B3GALT1: variants seen among roughly 807,000 people sequenced by gnomAD.
B3GALT1 encodes UDP-Gal:betaGlcNAc beta 1,3-galactosyltransferase, polypeptide 1.
Under a neutral mutation model 23.2 loss-of-function variants are expected in B3GALT1, and 10 were observed. That is an observed-to-expected ratio of 0.43 (90% CI 0.27 to 0.73). The LOEUF (loss-of-function observed/expected upper bound fraction) is 0.73, where lower values mean the gene tolerates loss of function less well. Ranked by LOEUF, B3GALT1 falls within the 30% of genes least tolerant of loss-of-function variation. The pLI, the probability that B3GALT1 is intolerant of heterozygous loss-of-function variation, is 0.21. For synonymous variants in B3GALT1, 156 were observed against 141.5 expected, an observed-to-expected ratio of 1.10 and a Z score of -0.73; for missense variants, 299 against 405.4, an observed-to-expected ratio of 0.74 and a Z score of 2.25.
rs200624630 is a variant in B3GALT1, at chr2:167,385,510, G to GT, written c.-511+92177dup. Among the ~76,000 whole-genome samples, 176 of 151,730 alleles carry GT rather than the reference G, an allele frequency of 1.2e-3. 1 individual carries two copies. The East Asian group carries it at 0.018, about 16-fold the overall frequency. ...TGCTCAGTAAATATTTGAATTTATT[G>GT]TATGTACAATTTCTCCTAGCCTGAA... On this transcript the variant is annotated intron_variant, in intron 1 of 4. Transcript: ENST00000392690.
chr2:167,373,422 G>A (rs1382318), intron 1 of B3GALT1, among the ~76,000 whole-genome samples: 125,956 of 151,950 alleles, frequency 0.83, 53,322 homozygotes, highest in East Asian at 0.94. Flanking sequence ...ATGTTGAAAA[G>A]TAAGCCACAA....
intron 3 of B3GALT1, among the ~76,000 whole-genome samples, chr2:167,679,142 G>T (rs1379698933): frequency 2.7e-5 from 4 of 147,916 alleles, no homozygotes; most frequent in Non-Finnish European, 4.5e-5. Flanking sequence ...TTGAGACAGA[G>T]TTTCACTCTT....
At chr2:167,758,551 G>C (rs73019369) in intron 3 of B3GALT1, among the ~76,000 whole-genome samples, 7,032 of 152,086 alleles carry the variant, frequency 0.046, 607 homozygotes, top group African/African-American at 0.16. Flanking sequence ...CAGTGACTCC[G>C]GCCTCCTCTT....
At chr2:167,308,044 A>G (rs1696576829) in intron 1 of B3GALT1, among the ~76,000 whole-genome samples, 1 of 152,090 alleles carries the variant, frequency 6.6e-6, no homozygotes. Flanking sequence ...GGAGAGTAAT[A>G]TTAGTAACAC....
rs183276033 is a variant in B3GALT1, at chr2:167,633,992, G to A, written c.-409-12917G>A. Among the ~76,000 whole-genome samples the A allele has an allele frequency of 1.4e-4, 21 of 151,882 alleles. No individual in the cohort carries two copies. In the East Asian group the frequency reaches 3.1e-3, roughly 22 times the overall value. On this transcript the variant is annotated intron_variant, in intron 2 of 4. Coordinates refer to ENST00000392690, the MANE Select transcript of B3GALT1 (RefSeq NM_020981.4). ...CAAAAGAATGGAAATCATAACAAAC[G>A]GTTTCTCAGACCACAGTGCAATCAA...
chr2:167,386,118 C>G (rs931999034), intron 1 of B3GALT1, among the ~76,000 whole-genome samples: 1 of 152,084 alleles, frequency 6.6e-6, no homozygotes, highest in Admixed American at 6.5e-5. Flanking sequence ...CTGACATAGA[C>G]GAGACTTGAG....
intron 3 of B3GALT1, among the ~76,000 whole-genome samples, chr2:167,653,979 A>T (rs1685909494): frequency 6.6e-6 from 1 of 152,180 alleles, no homozygotes; most frequent in South Asian, 2.1e-4. Context: ...AGTCTTGGAT[A>T]TGGCTCCAGT....
At chr2:167,302,014 A>G (rs1391232310) in intron 1 of B3GALT1, among the ~76,000 whole-genome samples, 1 of 152,218 alleles carries the variant, frequency 6.6e-6, no homozygotes, top group African/African-American at 2.4e-5. Context: ...ATTCCATGGA[A>G]TTAATCAGAG....
chr2:167,523,377 C>A (rs1281217170), intron 2 of B3GALT1, among the ~76,000 whole-genome samples: 2 of 151,854 alleles, frequency 1.3e-5, no homozygotes, highest in African/African-American at 4.8e-5. Context: ...TCCCATCACC[C>A]ATTTCCCCTC....
At chr2:167,608,653 G>A (rs1431141630) in intron 2 of B3GALT1, among the ~76,000 whole-genome samples, 1 of 152,074 alleles carries the variant, frequency 6.6e-6, no homozygotes, top group African/African-American at 2.4e-5. Context: ...TCCAATATTT[G>A]TTAAGGTACA....
intron 3 of B3GALT1, among the ~76,000 whole-genome samples, chr2:167,667,311 G>C: frequency 1.3e-5 from 2 of 152,200 alleles, no homozygotes; most frequent in Non-Finnish European, 2.9e-5. Context: ...AGTTTCTGCT[G>C]AGAGATCAGC....
At chr2:167,659,550 A>C (rs1180645519) in intron 3 of B3GALT1, among the ~76,000 whole-genome samples, 1 of 152,092 alleles carries the variant, frequency 6.6e-6, no homozygotes, top group African/African-American at 2.4e-5. Context: ...GGAGGCAAAA[A>C]TGTAATACCA....
intron 3 of B3GALT1, among the ~76,000 whole-genome samples, chr2:167,736,477 G>A (rs1687494048): frequency 6.6e-6 from 1 of 152,150 alleles, no homozygotes; most frequent in South Asian, 2.1e-4. Context: ...GTCTTAAAAT[G>A]GCAAGCTCAG....
chr2:167,682,603 C>G (rs1686550917), intron 3 of B3GALT1, among the ~76,000 whole-genome samples: 2 of 152,180 alleles, frequency 1.3e-5, no homozygotes, highest in Admixed American at 1.3e-4. Flanking sequence ...ATTCTCAAAG[C>G]CAAGCCGTCC....
At chr2:167,855,744 G>A (rs971450075) in intron 4 of B3GALT1, among the ~76,000 whole-genome samples, 3 of 151,926 alleles carry the variant, frequency 2.0e-5, no homozygotes, top group Admixed American at 1.3e-4. Flanking sequence ...TTCCTTTCAC[G>A]ACTGACCTGT....
chr2:167,765,092 A>G (rs757795592), intron 3 of B3GALT1, among the ~76,000 whole-genome samples: 4 of 152,132 alleles, frequency 2.6e-5, no homozygotes, highest in African/African-American at 4.8e-5. Flanking sequence ...TAAGGTCACT[A>G]TTTTTGGCTT....
chr2:167,659,129 A>T (rs1243895066), intron 3 of B3GALT1, among the ~76,000 whole-genome samples: 2 of 152,136 alleles, frequency 1.3e-5, no homozygotes, highest in African/African-American at 4.8e-5. Context: ...TGGAAAAACC[A>T]AAAAACCAAC....
intron 2 of B3GALT1, among the ~76,000 whole-genome samples, chr2:167,603,560 C>G (rs1356510843): frequency 2.0e-5 from 3 of 152,184 alleles, no homozygotes; most frequent in Non-Finnish European, 2.9e-5. Flanking sequence ...CATTAGGCAG[C>G]CTCTTCCTTT....
intron 1 of B3GALT1, among the ~76,000 whole-genome samples, chr2:167,485,951 G>A (rs1328114671): frequency 6.6e-5 from 10 of 152,180 alleles, no homozygotes; most frequent in Non-Finnish European, 1.5e-4. Context: ...ATCTTTGGGC[G>A]TTACTGGAGA....
Sources: allele counts gnomAD v4.1 joint callset (sites outside exome capture counted in the v4.1 genomes callset), GRCh38; gene constraint gnomAD v4.1.1; transcripts MANE v1.5; gene names NCBI Gene and HGNC (gene_info 2026-07-23, HGNC 2026-07-21).